Variants in SLC13A5 observed in about 807,000 individuals in gnomAD.
The protein encoded by SLC13A5 is solute carrier family 13 member 5, also known as Na(+)/citrate cotransporter.
In SLC13A5, 25 loss-of-function variants were observed where a neutral mutation model predicts 56.5. The ratio of observed to expected loss-of-function variants is 0.44; its 90% CI spans 0.32 to 0.62. The LOEUF is 0.62. Among genes scored for constraint, SLC13A5 ranks in the 20% least tolerant of loss-of-function variants. The probability of loss-of-function intolerance (pLI) is 0.04; values close to 1 mark genes in which losing one functional copy is unlikely to be tolerated. For synonymous variants in SLC13A5, 307 were observed against 301.5 expected, an observed-to-expected ratio of 1.02 and a Z score of -0.19; for missense variants, 649 against 737.8, an observed-to-expected ratio of 0.88 and a Z score of 1.39.
intron 1 of SLC13A5, among the ~76,000 whole-genome samples, chr17:6,710,845 A>G (rs1018075116): frequency 1.3e-5 from 2 of 152,102 alleles, no homozygotes; most frequent in African/African-American, 4.8e-5. Context: ...TGAATAACTT[A>G]TGGGATTTGA....
At position 6,711,635 on chromosome 17, in the gene SLC13A5, CGTGTGTTTTGT is replaced by C. The variant is rs888968593; in HGVS notation, c.102+1586_102+1596del. ...GTTTTTGTGTGTGTTTGTGTTTGTG[CGTGTGTTTTGT>C]GTGTGTCTGTGTGTTTGTGTGTGTG... On this transcript the variant is annotated intron_variant, in intron 1 of 11. Coordinates refer to ENST00000433363, the MANE Select transcript of SLC13A5 (RefSeq NM_177550.5). The surrounding 1 kb of genome is among the most constrained non-coding windows in gnomAD (Gnocchi z 4.0). 1.4e-5 allele frequency among the ~76,000 whole-genome samples: 2 copies of C among 144,962 alleles called. No homozygotes were observed. Among genetic ancestry groups the C allele is most frequent in the African/African-American group, 5.1e-5 (2 of 38,840 alleles).
chr17:6,694,267 A>C, intron 7 of SLC13A5, 70 bp from the exon 8 acceptor site: 1 of 904,584 alleles, frequency 1.1e-6, no homozygotes, highest in South Asian at 1.4e-5. Context: ...CAACTCCGGC[A>C]GTTCTGTGTC....
intron 3 of SLC13A5, chr17:6,704,789 C>T (rs1449387848): frequency 6.3e-6 from 1 of 157,618 alleles, no homozygotes; most frequent in Non-Finnish European, 1.4e-5. Flanking sequence ...AACAACATCC[C>T]TCCTCTGGGA....
rs1031409260 is a variant in SLC13A5 at position 6,711,846 on chromosome 17, G to A, written c.102+1386C>T. On this transcript the variant is annotated intron_variant, in intron 1 of 11. Transcript: ENST00000433363. The surrounding 1 kb of genome is among the most constrained non-coding windows in gnomAD (Gnocchi z 4.0). ...CTCTCCTGCCTGGCTACTTCCCCTG[G>A]ACAATAACAACCCCAGACTTCTTGC... 1.3e-5 allele frequency among the ~76,000 whole-genome samples: 2 copies of A among 152,044 alleles called. No individual in the cohort carries two copies. Among genetic ancestry groups the A allele is most frequent in the South Asian group, 2.1e-4 (1 of 4,822 alleles).
chr17:6,703,686 G>C (rs1442864386), intron 4 of SLC13A5, among the ~76,000 whole-genome samples, 192 bp downstream of exon 4: 1 of 150,956 alleles, frequency 6.6e-6, no homozygotes, highest in East Asian at 2.0e-4. Context: ...CTCTATTAAA[G>C]GATCTAAGTT....
chr17:6,702,552 G>A (rs1973741898), intron 5 of SLC13A5, among the ~76,000 whole-genome samples: 1 of 152,190 alleles, frequency 6.6e-6, no homozygotes, highest in African/African-American at 2.4e-5. Context: ...AGGGAGTGCT[G>A]GGGAGTCTTT....
chr17:6,711,328 G>A lies in SLC13A5; in HGVS notation c.102+1904C>T, dbSNP rs760966125. 6.6e-6 allele frequency among the ~76,000 whole-genome samples: 1 copy of A among 152,140 alleles called. No individual in the cohort carries two copies. The highest frequency in any genetic ancestry group is 1.5e-5 in the Non-Finnish European group (1 of 68,018). On this transcript the variant is annotated intron_variant, in intron 1 of 11. Coordinates refer to ENST00000433363, the MANE Select transcript of SLC13A5 (RefSeq NM_177550.5). This position sits in a 1 kb window ranked among gnomAD's most constrained non-coding sequence, Gnocchi z 4.0. ...CTCACCCAACCCCGCCAGAAGGAAA[G>A]CTCGTGAAGGCAGCCTTTGGAAGGA...
At chr17:6,703,187 A>G in intron 4 of SLC13A5, 49 bp from the exon 5 acceptor site, 2 of 1,604,658 alleles carry the variant, frequency 1.2e-6, no homozygotes, top group Admixed American at 1.7e-5. Context: ...GGGGCTGCCC[A>G]CCCAGCCCCA....
At chr17:6,700,883 C>A (rs1973693200) in intron 6 of SLC13A5, 121 bp downstream of exon 6, 2 of 1,429,254 alleles carry the variant, frequency 1.4e-6, no homozygotes, top group South Asian at 2.6e-5. Flanking sequence ...GGAGACAGGG[C>A]TGGAGAAAGA....
In SLC13A5 at chr17:6,701,092, C is replaced by A; in HGVS notation, c.751G>T (p.Ala251Ser). ...GGAAAGGCAAATGCAAACCAGGAAG[C>A]AAAGTTCACGAGGTCCTTGCTGTCA... is the stretch of plus-strand genomic sequence containing the variant. The part of the protein sequence containing the change: ...FPDSKDLVNF[A>S]SWFAFAFPNM... The change falls in exon 6 of 12, where the codon GCT becomes TCT. Residue 251 changes from alanine (A) to serine (S), a missense_variant. Coordinates refer to ENST00000433363, the MANE Select transcript of SLC13A5 (RefSeq NM_177550.5). The surrounding 1 kb of genome is among the most constrained non-coding windows in gnomAD (Gnocchi z 4.1). 1.2e-6 allele frequency: 2 copies of A among 1,614,158 alleles called. No individual in the cohort carries two copies. Among genetic ancestry groups the A allele is most frequent in the Non-Finnish European group, 1.7e-6 (2 of 1,180,006 alleles).
Position 6,686,293 on chromosome 17 carries a change from A to T in SLC13A5, c.1621T>A (p.Phe541Ile). Residue 541 changes from phenylalanine to isoleucine, a missense_variant, in exon 12 of 12, where the codon TTT (phenylalanine) becomes ATT (isoleucine). Transcript: ENST00000433363. ...CGTCCCCAGGTGTTGACAGCCAAAA[A>T]CACACAGAAGACTCCAATTATGTTC... ...IMNIIGVFCV[F>I]LAVNTWGRAI... 6.2e-7 allele frequency: 1 copy of T among 1,614,150 alleles called. No individual in the cohort carries two copies. The highest frequency in any genetic ancestry group is 8.5e-7 in the Non-Finnish European group (1 of 1,180,006).
chr17:6,699,093 T>A (rs1227349918), intron 6 of SLC13A5, among the ~76,000 whole-genome samples: 2 of 146,884 alleles, frequency 1.4e-5, no homozygotes, highest in Non-Finnish European at 3.0e-5. Flanking sequence ...ATAAATAAAA[T>A]AAAATAAAAT....
In SLC13A5 at chr17:6,701,438, G is replaced by A. The variant is rs74252223; in HGVS notation, c.717-312C>T. ...GAAAAATACAACTTTGTGGCCGGGCGCAGGGGCTCACGCCTGTAATTCCAG... is the reference window on the plus strand; with the variant it reads ...GAAAAATACAACTTTGTGGCCGGGCACAGGGGCTCACGCCTGTAATTCCAG... On this transcript the variant is annotated intron_variant, in intron 5 of 11. Transcript: ENST00000433363. The surrounding 1 kb of genome is among the most constrained non-coding windows in gnomAD (Gnocchi z 4.1). Among the ~76,000 whole-genome samples the A allele has an allele frequency of 0.054, 8,270 of 152,288 alleles. 232 individuals carry two copies. Among genetic ancestry groups the A allele is most frequent in the Non-Finnish European group, 0.064 (4,354 of 68,006 alleles).
At position 6,701,861 on chromosome 17, in the gene SLC13A5, C is replaced by A. The variant is rs914817816; in HGVS notation, c.717-735G>T. Among the ~76,000 whole-genome samples the A allele has an allele frequency of 2.6e-5, 4 of 152,168 alleles. No individual in the cohort carries two copies. The highest frequency in any genetic ancestry group is 4.4e-5 in the Non-Finnish European group (3 of 68,024). ...AGCAAAGGAAATCTCAAAAGCTTCC[C>A]AGAGCGGAGGCTGGAGGAGGGTCAC... On this transcript the variant is annotated intron_variant, in intron 5 of 11. Coordinates refer to ENST00000433363, the MANE Select transcript of SLC13A5 (RefSeq NM_177550.5). The surrounding 1 kb of genome is among the most constrained non-coding windows in gnomAD (Gnocchi z 4.1).
chr17:6,695,688 G>A, intron 7 of SLC13A5, 38 bp downstream of exon 7: 2 of 1,608,178 alleles, frequency 1.2e-6, no homozygotes, highest in East Asian at 2.2e-5. Flanking sequence ...AACGCGCCTG[G>A]CCCTAAGCCA....
chr17:6,709,940 T>C (rs1973975643), intron 1 of SLC13A5, among the ~76,000 whole-genome samples: 1 of 152,266 alleles, frequency 6.6e-6, no homozygotes, highest in South Asian at 2.1e-4. Flanking sequence ...AGTAAGACTG[T>C]CTCCAGGTTG....
chr17:6,691,151 A>C (rs1243831516), intron 9 of SLC13A5, among the ~76,000 whole-genome samples: 1 of 152,222 alleles, frequency 6.6e-6, no homozygotes, highest in East Asian at 1.9e-4. Context: ...GTGGATTTAC[A>C]TACCCATATG....
Position 6,701,786 on chromosome 17 carries a change from C to T in SLC13A5, c.717-660G>A, listed in dbSNP as rs182819586. On this transcript the variant is annotated intron_variant, in intron 5 of 11. Transcript: ENST00000433363. This position sits in a 1 kb window ranked among gnomAD's most constrained non-coding sequence, Gnocchi z 4.1. ...TGACATCTTTGGGGATCTGCAGAGA[C>T]CTCAGCAATCTCGCTCTGTGGGTTT... Among the ~76,000 whole-genome samples, 1 of 152,326 alleles carries T rather than the reference C, an allele frequency of 6.6e-6. No homozygotes were observed. Among genetic ancestry groups the T allele is most frequent in the East Asian group, 1.9e-4 (1 of 5,176 alleles).
At chr17:6,695,679 A>G (rs768520152) in intron 7 of SLC13A5, 47 bp downstream of exon 7, 5 of 1,599,360 alleles carry the variant, frequency 3.1e-6, no homozygotes, top group Non-Finnish European at 3.4e-6. Context: ...GTGTGAGCCA[A>G]CGCGCCTGGC....
Sources: allele counts gnomAD v4.1 joint callset (sites outside exome capture counted in the v4.1 genomes callset), GRCh38; gene constraint gnomAD v4.1.1; non-coding constraint Gnocchi (gnomAD v3.1); transcripts MANE v1.5; gene names NCBI Gene and HGNC (gene_info 2026-07-23, HGNC 2026-07-21).